The following TADA3 variants were observed in gnomAD, a reference collection of about 807,000 sequenced individuals.
The protein encoded by TADA3 is transcriptional adapter 3.
In TADA3, 25 loss-of-function variants were observed where a neutral mutation model predicts 43.2. That is an observed-to-expected ratio of 0.58 (90% CI 0.42 to 0.81). TADA3 has a LOEUF of 0.81. Ranked by LOEUF, TADA3 falls within the 30% of genes least tolerant of loss-of-function variation. The pLI is 0.00. For missense variants in TADA3, 441 were observed against 567.8 expected (o/e 0.78, Z 2.27); for synonymous variants, 235 against 225.5 (o/e 1.04, Z -0.38).
intron 7 of TADA3, 135 bp from the exon 8 acceptor site, chr3:9,784,348 A>T: frequency 8.5e-7 from 1 of 1,174,146 alleles, no homozygotes; most frequent in Non-Finnish European, 1.2e-6. Flanking sequence ...CTATCCAGAT[A>T]CAAAGGGAGG....
chr3:9,780,147 G>C lies in TADA3; in HGVS notation c.*210C>G. On this transcript the variant is annotated 3_prime_UTR_variant, in exon 9 of 9. Coordinates refer to ENST00000301964, the MANE Select transcript of TADA3 (RefSeq NM_006354.5). The stretch of plus-strand genomic sequence containing the variant: ...AACCCCATCTCGGGGACCAAGCAGA[G>C]ACTAGGCCTCAGGCTAGCCCAGCAG... The C allele has an allele frequency of 2.0e-6, 1 of 489,862 alleles. No homozygotes were observed. The highest frequency in any genetic ancestry group is 3.6e-6 in the Non-Finnish European group (1 of 278,232). 30.3% of individuals were successfully genotyped at this position (489,862 alleles called of 1,614,324 possible).
At chr3:9,790,090 CTAG>C in intron 2 of TADA3, 127 bp from the exon 3 acceptor site, 1 of 1,197,360 alleles carries the variant, frequency 8.4e-7, no homozygotes, top group Non-Finnish European at 1.1e-6. Context: ...CTCTTTTTAC[CTAG>C]TAAACTCTTA....
chr3:9,787,784 G>A lies in TADA3; in HGVS notation c.565-444C>T, dbSNP rs1344649302. 3 of 1,142,978 alleles carry A rather than the reference G, an allele frequency of 2.6e-6. No individual in the cohort carries two copies. In the East Asian group the frequency reaches 1.7e-4, roughly 66 times the overall value. The allele number at this position is 1,142,978 out of a possible 1,614,324, so 70.8% of individuals were successfully genotyped here. A position where few individuals can be genotyped will look rare whatever the true frequency, so the allele number is the denominator to read the frequency against. On this transcript the variant is annotated intron_variant, in intron 4 of 8. Transcript: ENST00000301964. ...GAAAGAGAGAGATCAAAGTGTTGTG[G>A]CAGCACAAAGGAGAGACTGACTAAC...
At chr3:9,790,891 C>G (rs1292597095) in intron 2 of TADA3, among the ~76,000 whole-genome samples, 2 of 152,170 alleles carry the variant, frequency 1.3e-5, no homozygotes. Context: ...TTCCAGTTCC[C>G]TAGGACTGCT....
chr3:9,787,183 G>A lies in TADA3; in HGVS notation c.706+16C>T. On this transcript the variant is annotated intron_variant, in intron 5 of 8. Coordinates refer to ENST00000301964, the MANE Select transcript of TADA3 (RefSeq NM_006354.5). Reference sequence around the variant, plus strand: ...CAAGTCCTGACCTGGGGTTGGCAGGGAGGTGAGAGGCCTACCTTTAGTGTC... The same window carrying A: ...CAAGTCCTGACCTGGGGTTGGCAGGAAGGTGAGAGGCCTACCTTTAGTGTC... The A allele has an allele frequency of 6.2e-7, 1 of 1,614,218 alleles. No individual in the cohort carries two copies. Among genetic ancestry groups the A allele is most frequent in the Non-Finnish European group, 8.5e-7 (1 of 1,180,040 alleles).
intron 4 of TADA3, chr3:9,788,120 G>A (rs1163970984): frequency 4.9e-6 from 1 of 204,136 alleles, no homozygotes; most frequent in East Asian, 1.2e-4. Flanking sequence ...GCAGCGCCAT[G>A]TCATGAGCAC....
intron 8 of TADA3, among the ~76,000 whole-genome samples, chr3:9,782,317 T>C (rs1310345776): frequency 2.0e-5 from 3 of 152,224 alleles, no homozygotes; most frequent in African/African-American, 7.2e-5. Flanking sequence ...TTGCTGTTTA[T>C]TGACTGTGTG....
At chr3:9,789,994 G>T in intron 2 of TADA3, 31 bp from the exon 3 acceptor site, 1 of 1,556,090 alleles carries the variant, frequency 6.4e-7, no homozygotes, top group Non-Finnish European at 8.7e-7. Flanking sequence ...CACTGAGGGG[G>T]AGAAGGGAAA....
Position 9,788,099 on chromosome 3 carries a change from A to C in TADA3, c.565-759T>G, listed in dbSNP as rs9848812. On this transcript the variant is annotated intron_variant, in intron 4 of 8. Coordinates refer to ENST00000301964, the MANE Select transcript of TADA3 (RefSeq NM_006354.5). ...GATCCTGTAGATAACGGGAGGAAGA[A>C]AGGCCTGGATGCAGCGCCATGTCAT... 4.3e-3 allele frequency: 960 copies of C among 225,642 alleles called. 8 individuals are homozygous for C. The highest frequency in any genetic ancestry group is 0.02 in the African/African-American group (885 of 44,338). The allele number at this position is 225,642 out of a possible 1,614,324, so 14.0% of individuals were successfully genotyped here. A position where few individuals can be genotyped will look rare whatever the true frequency, so the allele number is the denominator to read the frequency against.
chr3:9,792,762 T>G, upstream of TADA3: 1 of 1,245,594 alleles, frequency 8.0e-7, no homozygotes, highest in South Asian at 3.4e-5. Flanking sequence ...GAAGGGCTCG[T>G]CCGCTTCGGC....
intron 4 of TADA3, chr3:9,787,636 C>G (rs1359796125): frequency 3.0e-6 from 4 of 1,339,632 alleles, no homozygotes; most frequent in Non-Finnish European, 3.0e-6. Flanking sequence ...AATTGCCTCT[C>G]GAGAGAATTA....
intron 7 of TADA3, among the ~76,000 whole-genome samples, chr3:9,784,513 C>G (rs985482707): frequency 3.3e-5 from 5 of 151,804 alleles, no homozygotes; most frequent in African/African-American, 7.3e-5. Context: ...ATATATTATT[C>G]CTAATCTTTT....
chr3:9,792,726 G>A (rs778335537), upstream of TADA3: 1 of 1,236,272 alleles, frequency 8.1e-7, no homozygotes, highest in Non-Finnish European at 1.0e-6. Flanking sequence ...CGAGAGAAAG[G>A]ATGGGGGTAC....
intron 2 of TADA3, among the ~76,000 whole-genome samples, chr3:9,790,628 G>A (rs2078706284): frequency 6.6e-6 from 1 of 152,210 alleles, no homozygotes; most frequent in Non-Finnish European, 1.5e-5. Context: ...TTTATGCAGT[G>A]AATAAAGTCA....
In TADA3 at chr3:9,785,321, G is replaced by C; in HGVS notation, c.915C>G (p.Pro305=). The C allele has an allele frequency of 6.2e-7, 1 of 1,613,004 alleles. No homozygotes were observed. The highest frequency in any genetic ancestry group is 8.5e-7 in the Non-Finnish European group (1 of 1,179,228). ...ASTSPRNQNK[P]FSVPHTKSLE... ...GTGGATAGGACACCACTCACCTGAA[G>C]GGCTTGTTCTGATTGCGAGGGGAGG... The change falls in exon 7 of 9, where the codon CCC becomes CCG. Residue 305 remains proline (P), a synonymous_variant. Coordinates refer to ENST00000301964, the MANE Select transcript of TADA3 (RefSeq NM_006354.5).
chr3:9,787,753 T>A, intron 4 of TADA3: 1 of 1,265,018 alleles, frequency 7.9e-7, no homozygotes, highest in Admixed American at 2.3e-5. Context: ...ATCAGATAAG[T>A]GAAGTGAAAG....
At chr3:9,792,976 G>C, upstream of TADA3, 1 of 1,427,192 alleles carries the variant, frequency 7.0e-7, no homozygotes. Flanking sequence ...CCAAGCGTTC[G>C]TAAGGGCTCT....
rs773322354 is a variant in TADA3, at chr3:9,784,021, C to T, written c.1106+7G>A. ...CCCCCGGGACTGTGCATCCTGCTAA[C>T]GCTCACCTCAGCAGGTCGTGCTTCT... is the stretch of plus-strand genomic sequence containing the variant. On this transcript the variant is annotated splice_region_variant and intron_variant, in intron 8 of 8. Transcript: ENST00000301964. The T allele has an allele frequency of 3.1e-6, 5 of 1,612,250 alleles. No homozygotes were observed. In the South Asian group the frequency reaches 4.4e-5, roughly 14 times the overall value.
intron 4 of TADA3, among the ~76,000 whole-genome samples, chr3:9,788,665 G>C (rs748003876): frequency 6.6e-6 from 1 of 151,636 alleles, no homozygotes; most frequent in African/African-American, 2.4e-5. Flanking sequence ...TCAGCCTCCC[G>C]AGTAGCCAGG....
Sources: allele counts gnomAD v4.1 joint callset (sites outside exome capture counted in the v4.1 genomes callset), GRCh38; gene constraint gnomAD v4.1.1; transcripts MANE v1.5; gene names NCBI Gene and HGNC (gene_info 2026-07-23, HGNC 2026-07-21).